PRKN: variants seen among roughly 807,000 people sequenced by gnomAD.
The protein encoded by PRKN is E3 ubiquitin-protein ligase parkin.
Under a neutral mutation model 59.5 loss-of-function variants are expected in PRKN, and 56 were observed. That is an observed-to-expected ratio of 0.94 (90% CI 0.76 to 1.18). PRKN has a LOEUF of 1.18. PRKN is among the 50% of genes most tolerant of loss of function. PRKN has a pLI of 0.00. For synonymous variants in PRKN, 250 were observed against 222.1 expected (o/e 1.13, Z -1.12); for missense variants, 657 against 596.4 (o/e 1.10, Z -1.06).
At chr6:162,657,621 A>G (rs1778694466) in intron 1 of PRKN, among the ~76,000 whole-genome samples, 1 of 152,226 alleles carries the variant, frequency 6.6e-6, no homozygotes, top group African/African-American at 2.4e-5. Flanking sequence ...ATTTTCAATG[A>G]TAATTTTTAA....
intron 6 of PRKN, among the ~76,000 whole-genome samples, chr6:161,790,542 G>C (rs745999564): frequency 1.3e-5 from 2 of 152,138 alleles, no homozygotes; most frequent in East Asian, 3.8e-4. Context: ...TGTGAGAGAA[G>C]AGCCCTCATG....
chr6:162,256,116 T>C (rs893642033), intron 3 of PRKN, among the ~76,000 whole-genome samples: 1 of 152,086 alleles, frequency 6.6e-6, no homozygotes, highest in South Asian at 2.1e-4. Flanking sequence ...ATTTGGAAAA[T>C]TAATTATAGT....
At chr6:162,000,373 G>C (rs1442717569) in intron 5 of PRKN, among the ~76,000 whole-genome samples, 2 of 151,866 alleles carry the variant, frequency 1.3e-5, no homozygotes, top group South Asian at 4.2e-4. Context: ...TTGTTTGTTT[G>C]TTTTTTTAAA....
chr6:162,319,866 A>C (rs944759389), intron 2 of PRKN, among the ~76,000 whole-genome samples: 55 of 151,964 alleles, frequency 3.6e-4, no homozygotes, highest in African/African-American at 1.3e-3. Flanking sequence ...TAAACACTCA[A>C]CATTAGGTAG....
intron 1 of PRKN, among the ~76,000 whole-genome samples, chr6:162,715,347 G>A (rs930407449): frequency 1.6e-4 from 25 of 152,168 alleles, no homozygotes; most frequent in African/African-American, 5.8e-4. Flanking sequence ...ATTCCCTCAA[G>A]AATAAGGCAG....
intron 7 of PRKN, among the ~76,000 whole-genome samples, chr6:161,595,749 G>C (rs1781891095): frequency 6.6e-6 from 1 of 152,140 alleles, no homozygotes; most frequent in Admixed American, 6.5e-5. Context: ...CACATTATTT[G>C]CAGTGATCTT....
Position 162,480,097 on chromosome 6 carries a change from A to G in PRKN, c.8-36624T>C, listed in dbSNP as rs185202710. 7.2e-5 allele frequency among the ~76,000 whole-genome samples: 11 copies of G among 152,228 alleles called. No individual in the cohort carries two copies. The East Asian group carries it at 2.1e-3, about 29-fold the overall frequency. The stretch of plus-strand genomic sequence containing the variant: ...AAAAAAATAGTATAAGTTCTATAAA[A>G]TAACTATAAATACACAAACCAGTAA... On this transcript the variant is annotated intron_variant, in intron 1 of 11. Transcript: ENST00000366898.
chr6:161,368,196 C>A (rs888852344), intron 10 of PRKN, among the ~76,000 whole-genome samples: 5 of 150,604 alleles, frequency 3.3e-5, no homozygotes, highest in African/African-American at 1.2e-4. Context: ...GAGGCCAGTG[C>A]GACGGTCAGG....
At chr6:161,709,404 T>C (rs117332645) in intron 7 of PRKN, among the ~76,000 whole-genome samples, 3,187 of 152,356 alleles carry the variant, frequency 0.021, 53 homozygotes, top group Non-Finnish European at 0.032. Flanking sequence ...ATGAGAGCTC[T>C]TTTTTCAGAG....
intron 3 of PRKN, among the ~76,000 whole-genome samples, chr6:162,260,802 A>AT (rs1217688250): frequency 6.6e-6 from 1 of 152,136 alleles, no homozygotes; most frequent in Non-Finnish European, 1.5e-5. Flanking sequence ...AAACAATGTG[A>AT]TTTTTTTATT....
rs1366970206 is a variant in PRKN at position 161,353,271 on chromosome 6, T to G, written c.1286-3060A>C. 2.0e-5 allele frequency among the ~76,000 whole-genome samples: 3 copies of G among 152,196 alleles called. No individual in the cohort carries two copies. The highest frequency in any genetic ancestry group is 4.4e-5 in the Non-Finnish European group (3 of 68,038). On this transcript the variant is annotated intron_variant, in intron 11 of 11. Transcript: ENST00000366898. The surrounding 1 kb of genome is among the most constrained non-coding windows in gnomAD (Gnocchi z 4.8). ...TGGAACCATCCGCAGCTGTTCTGAC[T>G]GTGGGTTATAAGACCCGGATTTCAG...
chr6:162,302,925 G>A (rs1021872334), intron 2 of PRKN, among the ~76,000 whole-genome samples: 2 of 149,246 alleles, frequency 1.3e-5, no homozygotes, highest in African/African-American at 5.0e-5. Flanking sequence ...TTATCATAAT[G>A]CTAAGGGCCT....
At chr6:161,631,036 C>T (rs1243614557) in intron 7 of PRKN, among the ~76,000 whole-genome samples, 1 of 152,246 alleles carries the variant, frequency 6.6e-6, no homozygotes, top group East Asian at 1.9e-4. Context: ...TCTAGGCAGG[C>T]TGCTCCTGCT....
chr6:162,114,050 CTCTGT>C lies in PRKN; in HGVS notation c.535-59881_535-59877del, dbSNP rs550990548. Among the ~76,000 whole-genome samples, 785 of 151,334 alleles carry C rather than the reference CTCTGT, an allele frequency of 5.2e-3. 7 individuals carry two copies. The highest frequency in any genetic ancestry group is 0.018 in the African/African-American group (741 of 41,220). On this transcript the variant is annotated intron_variant, in intron 4 of 11. Coordinates refer to ENST00000366898, the MANE Select transcript of PRKN (RefSeq NM_004562.3). Reference sequence around the variant, plus strand: ...AGATATGTGGCATTATTTCTGAGGGCTCTGTTCTGTTCCATTGATCTATATCTCTG... The same window carrying C: ...AGATATGTGGCATTATTTCTGAGGGCTCTGTTCCATTGATCTATATCTCTG...
rs181986914 is a variant in PRKN, at chr6:162,527,134, A to G, written c.8-83661T>C. ...TGCTTAATCGAAGGTAGGAGGAGCC[A>G]GGGTGATTGGCTCTCTCCCTGAGAA... On this transcript the variant is annotated intron_variant, in intron 1 of 11. Transcript: ENST00000366898. Among the ~76,000 whole-genome samples, 348 of 152,352 alleles carry G rather than the reference A, an allele frequency of 2.3e-3. 1 individual carries two copies. The highest frequency in any genetic ancestry group is 3.8e-3 in the Non-Finnish European group (259 of 68,026).
chr6:162,150,714 G>C (rs1717946831), intron 4 of PRKN, among the ~76,000 whole-genome samples: 1 of 152,106 alleles, frequency 6.6e-6, no homozygotes, highest in Non-Finnish European at 1.5e-5. Context: ...TTTTTTCAAG[G>C]TGAAATATTC....
intron 7 of PRKN, among the ~76,000 whole-genome samples, chr6:161,677,742 G>A (rs1317366722): frequency 6.6e-6 from 1 of 152,156 alleles, no homozygotes; most frequent in Non-Finnish European, 1.5e-5. Context: ...GACACTAAGT[G>A]GAGAAAGTGA....
In PRKN at chr6:162,410,573, G is replaced by T. The variant is rs114714208; in HGVS notation, c.171+32737C>A. ...TGTTTTTCTTTTCTACTGTCAGGAA[G>T]CCTGCCTCAGAGGAGTGGACAATGC... On this transcript the variant is annotated intron_variant, in intron 2 of 11. Coordinates refer to ENST00000366898, the MANE Select transcript of PRKN (RefSeq NM_004562.3). 2.4e-3 allele frequency among the ~76,000 whole-genome samples: 373 copies of T among 152,294 alleles called. 2 individuals are homozygous for T. The highest frequency in any genetic ancestry group is 8.6e-3 in the African/African-American group (356 of 41,566).
At position 161,483,997 on chromosome 6, in the gene PRKN, G is replaced by A. The variant is rs370893460; in HGVS notation, c.1083+64857C>T. 2.0e-4 allele frequency among the ~76,000 whole-genome samples: 30 copies of A among 152,190 alleles called. No individual in the cohort carries two copies. Among genetic ancestry groups the A allele is most frequent in the African/African-American group, 6.7e-4 (28 of 41,528 alleles). On this transcript the variant is annotated intron_variant, in intron 9 of 11. Transcript: ENST00000366898. This position sits in a 1 kb window ranked among gnomAD's most constrained non-coding sequence, Gnocchi z 5.0. Reference sequence around the variant, plus strand: ...ATGATGAGCACACATGGACACATGGGGGAACAACACACACTGGGGCCTGCT... The same window carrying A: ...ATGATGAGCACACATGGACACATGGAGGAACAACACACACTGGGGCCTGCT...
Sources: gnomAD v4.1 joint callset for allele counts (sites outside exome capture counted in the v4.1 genomes callset) on GRCh38, gnomAD v4.1.1 for gene constraint, Gnocchi (gnomAD v3.1) non-coding constraint, MANE v1.5 for transcripts, NCBI Gene and HGNC (gene_info 2026-07-23, HGNC 2026-07-21) for gene names.